Variants in FLT1 observed in about 807,000 individuals in gnomAD.
FLT1 encodes fms related receptor tyrosine kinase 1.
A neutral mutation model predicts 156.3 loss-of-function variants in FLT1; 49 were observed. That is an observed-to-expected ratio of 0.31 (90% CI 0.25 to 0.40). The LOEUF is 0.40. FLT1 is among the 10% of genes least tolerant of loss of function. The pLI is 1.00. For missense variants in FLT1, 1,322 were observed against 1,637.2 expected (o/e 0.81, Z 3.32); for synonymous variants, 594 against 583.8 (o/e 1.02, Z -0.25).
At chr13:28,435,392 G>A (rs1877965210) in intron 4 of FLT1, among the ~76,000 whole-genome samples, 1 of 152,164 alleles carries the variant, frequency 6.6e-6, no homozygotes, top group African/African-American at 2.4e-5. Context: ...AAGGGTCATT[G>A]CTCCATAAAG....
At chr13:28,428,170 G>T (rs1226572492) in intron 8 of FLT1, among the ~76,000 whole-genome samples, 1 of 152,160 alleles carries the variant, frequency 6.6e-6, no homozygotes, top group Non-Finnish European at 1.5e-5. Flanking sequence ...CAGTAGCTTA[G>T]TGTGCCCACA....
At chr13:28,397,648 A>C (rs1248676469) in intron 11 of FLT1, among the ~76,000 whole-genome samples, 1 of 151,812 alleles carries the variant, frequency 6.6e-6, no homozygotes, top group African/African-American at 2.4e-5. Flanking sequence ...TTGTCTCCCA[A>C]GTAGCTGGGA....
intron 10 of FLT1, among the ~76,000 whole-genome samples, chr13:28,415,152 TCAAAGA>T (rs1395233455): frequency 6.6e-6 from 1 of 152,190 alleles, no homozygotes; most frequent in Non-Finnish European, 1.5e-5. Flanking sequence ...TTGCCTATCT[TCAAAGA>T]TAGGCACAAA....
Position 28,494,935 on chromosome 13 carries a change from C to T in FLT1, c.-92G>A, listed in dbSNP as rs1881683437. ...AGTCCGTCCTCTCGTTCGCCGCCGC[C>T]GGCCCCGCGCCCTGAGCGCCCGTCT... On this transcript the variant is annotated 5_prime_UTR_variant, in exon 1 of 30. Coordinates refer to ENST00000282397, the MANE Select transcript of FLT1 (RefSeq NM_002019.4). 5.0e-6 allele frequency: 5 copies of T among 1,008,130 alleles called. No homozygotes were observed. Among genetic ancestry groups the T allele is most frequent in the Non-Finnish European group, 5.5e-6 (4 of 726,708 alleles). 62.4% of individuals were successfully genotyped at this position (1,008,130 alleles called of 1,614,324 possible). A position where few individuals can be genotyped will look rare whatever the true frequency, so the allele number is the denominator to read the frequency against.
intron 1 of FLT1, among the ~76,000 whole-genome samples, chr13:28,475,286 T>G (rs1424380305): frequency 6.6e-6 from 1 of 152,226 alleles, no homozygotes; most frequent in Non-Finnish European, 1.5e-5. Flanking sequence ...AATTTTTTAT[T>G]TCTAATTTAT....
At chr13:28,461,731 A>G (rs1879589395) in intron 3 of FLT1, among the ~76,000 whole-genome samples, 1 of 152,166 alleles carries the variant, frequency 6.6e-6, no homozygotes, top group Non-Finnish European at 1.5e-5. Context: ...CGCTAAACAC[A>G]TTTATATAAA....
At chr13:28,307,258 C>A (rs1030726516) in intron 28 of FLT1, among the ~76,000 whole-genome samples, 3 of 152,118 alleles carry the variant, frequency 2.0e-5, no homozygotes, top group Admixed American at 2.0e-4. Context: ...ATTAGACTTC[C>A]TTGTTGGTTT....
At chr13:28,347,011 A>G (rs1240490842) in intron 15 of FLT1, among the ~76,000 whole-genome samples, 1 of 152,140 alleles carries the variant, frequency 6.6e-6, no homozygotes, top group Admixed American at 6.6e-5. Context: ...GACAGTTGCC[A>G]CTCTCAAGGA....
At chr13:28,455,476 T>A (rs1249502915) in intron 3 of FLT1, among the ~76,000 whole-genome samples, 1 of 152,158 alleles carries the variant, frequency 6.6e-6, no homozygotes, top group Non-Finnish European at 1.5e-5. Flanking sequence ...TTACACTCTT[T>A]AGAAAAATCA....
intron 15 of FLT1, among the ~76,000 whole-genome samples, chr13:28,349,371 A>G (rs1327432725): frequency 6.6e-6 from 1 of 151,790 alleles, no homozygotes; most frequent in East Asian, 1.9e-4. Context: ...TCAAGTTCAT[A>G]TGAGTTTGGT....
At chr13:28,412,445 G>T (rs530525778) in intron 10 of FLT1, among the ~76,000 whole-genome samples, 24 of 129,178 alleles carry the variant, frequency 1.9e-4, no homozygotes, top group African/African-American at 7.1e-4. Context: ...TTTTTGAGAC[G>T]GGGTCTCACT....
chr13:28,400,791 C>T (rs1875382253), intron 11 of FLT1, among the ~76,000 whole-genome samples: 1 of 152,194 alleles, frequency 6.6e-6, no homozygotes, highest in African/African-American at 2.4e-5. Context: ...AAATTATAAT[C>T]ATTTATTCTA....
At chr13:28,401,054 T>A (rs1168515017) in intron 11 of FLT1, among the ~76,000 whole-genome samples, 1 of 152,124 alleles carries the variant, frequency 6.6e-6, no homozygotes, top group Non-Finnish European at 1.5e-5. Flanking sequence ...GACGAAACCC[T>A]GTCTCTACTA....
intron 1 of FLT1, among the ~76,000 whole-genome samples, chr13:28,491,636 A>G (rs2019289478): frequency 6.6e-6 from 1 of 152,230 alleles, no homozygotes; most frequent in Non-Finnish European, 1.5e-5. Flanking sequence ...TAATGTGATT[A>G]GCAGGGGAAA....
intron 3 of FLT1, among the ~76,000 whole-genome samples, chr13:28,464,113 C>G (rs867093479): frequency 3.9e-5 from 6 of 152,112 alleles, no homozygotes; most frequent in African/African-American, 1.4e-4. Context: ...ATAGTGGTCT[C>G]ATAATATTAT....
chr13:28,458,109 G>A (rs935010534), intron 3 of FLT1, among the ~76,000 whole-genome samples: 21 of 151,572 alleles, frequency 1.4e-4, no homozygotes, highest in African/African-American at 3.9e-4. Context: ...TAATTTTTTT[G>A]TACTTTTAGT....
At chr13:28,312,900 C>T (rs1366295605) in intron 25 of FLT1, among the ~76,000 whole-genome samples, 1 of 152,210 alleles carries the variant, frequency 6.6e-6, no homozygotes, top group Admixed American at 6.5e-5. Flanking sequence ...GAGGTCAAAT[C>T]TTGTCCTGGG....
intron 15 of FLT1, among the ~76,000 whole-genome samples, chr13:28,347,202 T>A (rs1872596664): frequency 6.6e-6 from 1 of 152,138 alleles, no homozygotes; most frequent in Non-Finnish European, 1.5e-5. Flanking sequence ...GGGAGGGCAT[T>A]ATAGGCAGAG....
chr13:28,351,196 C>T (rs1053164304), intron 15 of FLT1, among the ~76,000 whole-genome samples: 1 of 152,128 alleles, frequency 6.6e-6, no homozygotes, highest in African/African-American at 2.4e-5. Flanking sequence ...GAGAAATTTG[C>T]CTGATCCTAA....
Sources: allele counts gnomAD v4.1 joint callset (sites outside exome capture counted in the v4.1 genomes callset), GRCh38; gene constraint gnomAD v4.1.1; transcripts MANE v1.5; gene names NCBI Gene and HGNC (gene_info 2026-07-23, HGNC 2026-07-21).